The following ZIC5 variants were observed in gnomAD, a reference collection of about 807,000 sequenced individuals.
The protein encoded by ZIC5 is zinc finger protein ZIC 5.
A neutral mutation model predicts 28.5 loss-of-function variants in ZIC5; 20 were observed. The ratio of observed to expected loss-of-function variants is 0.70; its 90% confidence interval spans 0.49 to 1.02. The LOEUF (loss-of-function observed/expected upper bound fraction) is 1.02. Among genes scored for constraint, ZIC5 ranks in the 50% least tolerant of loss-of-function variants. The probability of loss-of-function intolerance (pLI) is 0.00; values close to 1 mark genes in which losing one functional copy is unlikely to be tolerated. For missense variants in ZIC5, 951 were observed against 899.7 expected, an observed-to-expected ratio of 1.06 and a Z score of -0.73; for synonymous variants, 488 against 410.4, an observed-to-expected ratio of 1.19 and a Z score of -2.29.
chr13:99,971,787 C>T (rs891652860), upstream of ZIC5: 7 of 1,380,272 alleles, frequency 5.1e-6, no homozygotes, highest in South Asian at 9.2e-5. Context: ...ATTTGAGCTG[C>T]ACAGTGGGAC....
In ZIC5 at chr13:99,964,127, T is replaced by G. The variant is rs1169181650; in HGVS notation, c.*1250A>C. ...GTAACTATAAACCTTTTAAAAATTT[T>G]TAATATGTATGGCAACTCCCTCCCC... On this transcript the variant is annotated 3_prime_UTR_variant, in exon 2 of 2. Coordinates refer to ENST00000267294, the MANE Select transcript of ZIC5 (RefSeq NM_033132.5). 1 of 152,446 alleles carries G rather than the reference T, an allele frequency of 6.6e-6. No individual in the cohort carries two copies. The highest frequency in any genetic ancestry group is 1.5e-5 in the Non-Finnish European group (1 of 68,052). 9.4% of individuals were successfully genotyped at this position (152,446 alleles called of 1,614,324 possible).
At position 99,970,639 on chromosome 13, in the gene ZIC5, CCGGCCGCTGCTG is replaced by C; in HGVS notation, c.953_964del (p.Ala318_Ala321del). The C allele has an allele frequency of 1.8e-6, 2 of 1,118,440 alleles. No individual in the cohort carries two copies. The highest frequency in any genetic ancestry group is 2.3e-5 in the South Asian group (1 of 42,658). 69.3% of individuals were successfully genotyped at this position (1,118,440 alleles called of 1,614,324 possible). A position where few individuals can be genotyped will look rare whatever the true frequency, so the allele number is the denominator to read the frequency against. On this transcript the variant is annotated inframe_deletion, in exon 1 of 2. Coordinates refer to ENST00000267294, the MANE Select transcript of ZIC5 (RefSeq NM_033132.5). ...GTGGTGCTGCAGGTGGGGCCCGGGC[CCGGCCGCTGCTG>C]CGGCCGCCGCAGCCGCCAGGTTCAG...
In ZIC5 at chr13:99,968,977, G is replaced by A. The variant is rs563325434; in HGVS notation, c.1477+1150C>T. ...GCGGCTACCTCCTGGCCGCAGCAGC[G>A]CCGATAAATCTGCCAAGTGATTACT... On this transcript the variant is annotated intron_variant, in intron 1 of 1. Coordinates refer to ENST00000267294, the MANE Select transcript of ZIC5 (RefSeq NM_033132.5). Among the ~76,000 whole-genome samples, 40 of 152,338 alleles carry A rather than the reference G, an allele frequency of 2.6e-4. 1 individual carries two copies. In the South Asian group the frequency reaches 8.1e-3, roughly 31 times the overall value.
upstream of ZIC5, chr13:99,971,877 G>T: frequency 1.5e-6 from 1 of 660,762 alleles, no homozygotes; most frequent in Non-Finnish European, 2.5e-6. Context: ...ATTGGCTCCC[G>T]TTCAGGCCCT....
In ZIC5 at chr13:99,970,802, C is replaced by G; in HGVS notation, c.802G>C (p.Ala268Pro). 8.3e-7 allele frequency: 1 copy of G among 1,201,104 alleles called. No individual in the cohort carries two copies. The highest frequency in any genetic ancestry group is 3.4e-4 in the Middle Eastern group (1 of 2,962). 74.4% of individuals were successfully genotyped at this position (1,201,104 alleles called of 1,614,324 possible). Residue 268 changes from alanine (A) to proline (P), a missense_variant, in exon 1 of 2, where the codon GCG becomes CCG. By Grantham distance (27) the Ala-to-Pro change is conservative (BLOSUM62 -1). Around this residue, in one of 3 missense-constraint regions of ZIC5, gnomAD observed 784 missense variants for 660.1 expected, o/e 1.19. Coordinates refer to ENST00000267294, the MANE Select transcript of ZIC5 (RefSeq NM_033132.5). ...GCGCGGCCGTACAGCTCAGCCGCCG[C>G]GGCTGCCGCTGCCGCCGCCAGCCCC... ...RLGLAAAAAA[A>P]AAELYGRAEP...
rs1175754724 is a variant in ZIC5, at chr13:99,970,316, C to G, written c.1288G>C (p.Glu430Gln). The change falls in exon 1 of 2, where the codon GAG (glutamate) becomes CAG (glutamine). Residue 430 changes from glutamate to glutamine, a missense_variant. Around this residue, in one of 3 missense-constraint regions of ZIC5, gnomAD observed 784 missense variants for 660.1 expected, o/e 1.19. Transcript: ENST00000267294. ...HVTVEHVGGP[E>Q]QSSHVCFWED... ...CAGAAGCAGACGTGGCTGCTCTGCT[C>G]GGGGCCTCCCACGTGCTCCACCGTG... 1.2e-6 allele frequency: 2 copies of G among 1,612,718 alleles called. No individual in the cohort carries two copies. Among genetic ancestry groups the G allele is most frequent in the African/African-American group, 1.3e-5 (1 of 74,718 alleles).
chr13:99,970,833 C>A lies in ZIC5; in HGVS notation c.771G>T (p.Met257Ile), dbSNP rs1413610218. Residue 257 changes from methionine (M) to isoleucine (I), a missense_variant, in exon 1 of 2, where the codon ATG becomes ATT. Coordinates refer to ENST00000267294, the MANE Select transcript of ZIC5 (RefSeq NM_033132.5). ...GGHPHPLNGQ[M>I]RLGLAAAAAA... is the part of the protein sequence containing the mutation. Reference sequence around the variant, plus strand: ...CCGCTGCCGCCGCCAGCCCCAGGCGCATCTGGCCGTTGAGCGGGTGCGGGT... The same window carrying A: ...CCGCTGCCGCCGCCAGCCCCAGGCGAATCTGGCCGTTGAGCGGGTGCGGGT... 3 of 1,239,158 alleles carry A rather than the reference C, an allele frequency of 2.4e-6. No individual in the cohort carries two copies. Among genetic ancestry groups the A allele is most frequent in the Non-Finnish European group, 2.0e-6 (2 of 997,796 alleles). The allele number at this position is 1,239,158 out of a possible 1,614,324, so 76.8% of individuals were successfully genotyped here.
chr13:99,966,927 T>C lies in ZIC5; in HGVS notation c.1478-1108A>G, dbSNP rs1024836336. Among the ~76,000 whole-genome samples the C allele has an allele frequency of 3.9e-5, 6 of 152,238 alleles. No homozygotes were observed. The East Asian group carries it at 5.8e-4, about 15-fold the overall frequency. ...CTCCCCTTGGTATCTCTGAACTTGA[T>C]AGAGTTGAGTCCATAATTAAACAAG... On this transcript the variant is annotated intron_variant, in intron 1 of 1. Coordinates refer to ENST00000267294, the MANE Select transcript of ZIC5 (RefSeq NM_033132.5).
At position 99,965,456 on chromosome 13, in the gene ZIC5, G is replaced by A; in HGVS notation, c.1841C>T (p.Pro614Leu). Residue 614 changes from proline to leucine, a missense_variant, in exon 2 of 2, where the codon CCT (proline) becomes CTT (leucine). Around this residue, in one of 3 missense-constraint regions of ZIC5, gnomAD observed 108 missense variants for 118.4 expected, o/e 0.91. Coordinates refer to ENST00000267294, the MANE Select transcript of ZIC5 (RefSeq NM_033132.5). ...CTCAGAGGTGGTTCCGTTGCTGGAA[G>A]GGGTGTGGAGGTGGCTGGGGGCCCC... is the stretch of plus-strand genomic sequence containing the variant. ...ASGAPSHLHT[P>L]SSNGTTSETE... 6.2e-7 allele frequency: 1 copy of A among 1,614,136 alleles called. No individual in the cohort carries two copies. Among genetic ancestry groups the A allele is most frequent in the South Asian group, 1.1e-5 (1 of 91,074 alleles).
Position 99,965,170 on chromosome 13 carries a change from G to GAAA in ZIC5, c.*204_*206dup, listed in dbSNP as rs34614095. On this transcript the variant is annotated 3_prime_UTR_variant, in exon 2 of 2. Transcript: ENST00000267294. ...TGGTTGTTTTTTGTTTGTTTTTTAA[G>GAAA]AAAAAAAAAAAAAAAAGCCCAAATA... 1.2e-3 allele frequency: 260 copies of GAAA among 210,888 alleles called. No individual in the cohort carries two copies. Among genetic ancestry groups the GAAA allele is most frequent in the South Asian group, 3.2e-3 (20 of 6,250 alleles). 13.1% of individuals were successfully genotyped at this position (210,888 alleles called of 1,614,324 possible).
rs1328128506 is a variant in ZIC5, at chr13:99,963,772, G to T, written c.*1605C>A. On this transcript the variant is annotated 3_prime_UTR_variant, in exon 2 of 2. Coordinates refer to ENST00000267294, the MANE Select transcript of ZIC5 (RefSeq NM_033132.5). ...CTCTTCCAGGAAAGAAAAAAAAAAAGGATGATGTCTGAAAATAAATTAATT... is the reference window on the plus strand; with the variant it reads ...CTCTTCCAGGAAAGAAAAAAAAAAATGATGATGTCTGAAAATAAATTAATT... 1 of 145,738 alleles carries T rather than the reference G, an allele frequency of 6.9e-6. No homozygotes were observed. Among genetic ancestry groups the T allele is most frequent in the Non-Finnish European group, 1.5e-5 (1 of 66,040 alleles). The allele number at this position is 145,738 out of a possible 1,614,324, so 9.0% of individuals were successfully genotyped here.
intron 1 of ZIC5, among the ~76,000 whole-genome samples, chr13:99,966,281 A>T (rs1337823228): frequency 6.6e-6 from 1 of 152,206 alleles, no homozygotes; most frequent in South Asian, 2.1e-4. Context: ...AAAAGCAAAC[A>T]CATACACTAA....
Position 99,967,964 on chromosome 13 carries a change from T to A in ZIC5, c.1478-2145A>T, listed in dbSNP as rs147619239. Among the ~76,000 whole-genome samples, 34 of 152,306 alleles carry A rather than the reference T, an allele frequency of 2.2e-4. No homozygotes were observed. The East Asian group carries it at 5.4e-3, about 24-fold the overall frequency. ...TTACAGAGTTTGAGAGCCTGGAGCCTGTGGGAAAGTAAGGAACTACTTGCG... is the reference window on the plus strand; with the variant it reads ...TTACAGAGTTTGAGAGCCTGGAGCCAGTGGGAAAGTAAGGAACTACTTGCG... On this transcript the variant is annotated intron_variant, in intron 1 of 1. Transcript: ENST00000267294.
At position 99,970,504 on chromosome 13, in the gene ZIC5, G is replaced by A; in HGVS notation, c.1100C>T (p.Pro367Leu). ...CTTGCAGATGAGCTCCTGCTTGATT[G>A]GCTGCCGCATGTAGCGCAGGAAGGC... ...AGAFLRYMRQ[P>L]IKQELICKWI... The change falls in exon 1 of 2, where the codon CCA (proline) becomes CTA (leucine). Residue 367 changes from proline to leucine, a missense_variant. Physicochemically the swap from Pro to Leu is moderately conservative, Grantham distance 98. This residue lies in a region of ZIC5 where 784 missense variants were observed against 660.1 expected (regional missense o/e 1.19). Transcript: ENST00000267294. 1 of 1,131,010 alleles carries A rather than the reference G, an allele frequency of 8.8e-7. No homozygotes were observed. The highest frequency in any genetic ancestry group is 1.1e-6 in the Non-Finnish European group (1 of 914,982). 70.1% of individuals were successfully genotyped at this position (1,131,010 alleles called of 1,614,324 possible). A position where few individuals can be genotyped will look rare whatever the true frequency, so the allele number is the denominator to read the frequency against.
intron 1 of ZIC5, among the ~76,000 whole-genome samples, chr13:99,967,535 G>A (rs1356556977): frequency 5.3e-5 from 8 of 152,198 alleles, no homozygotes; most frequent in African/African-American, 1.9e-4. Context: ...ATTAAAATCA[G>A]CCTTTCTTCA....
chr13:99,968,146 G>C (rs564994730), intron 1 of ZIC5, among the ~76,000 whole-genome samples: 2 of 152,214 alleles, frequency 1.3e-5, no homozygotes, highest in African/African-American at 2.4e-5. Flanking sequence ...CGGGATCCCG[G>C]ATAACCCCCA....
Position 99,965,453 on chromosome 13 carries a change from G to C in ZIC5, c.1844C>G (p.Ser615Cys), listed in dbSNP as rs774228538. ...SGAPSHLHTPSSNGTTSETED... is the reference protein window; with the variant it reads ...SGAPSHLHTPCSNGTTSETED... ...AGTCTCAGAGGTGGTTCCGTTGCTG[G>C]AAGGGGTGTGGAGGTGGCTGGGGGC... is the stretch of plus-strand genomic sequence containing the variant. Residue 615 changes from serine (S) to cysteine (C), a missense_variant, in exon 2 of 2, where the codon TCC becomes TGC. Physicochemically the swap from Ser to Cys is moderately radical, Grantham distance 112 (BLOSUM62 -1). Transcript: ENST00000267294. 9.9e-6 allele frequency: 16 copies of C among 1,614,012 alleles called. No individual in the cohort carries two copies. Among genetic ancestry groups the C allele is most frequent in the Middle Eastern group, 1.6e-4 (1 of 6,084 alleles).
At position 99,970,724 on chromosome 13, in the gene ZIC5, C is replaced by T; in HGVS notation, c.880G>A (p.Ala294Thr). 8.3e-7 allele frequency: 1 copy of T among 1,197,676 alleles called. No homozygotes were observed. The highest frequency in any genetic ancestry group is 1.0e-6 in the Non-Finnish European group (1 of 962,612). The allele number at this position is 1,197,676 out of a possible 1,614,324, so 74.2% of individuals were successfully genotyped here. Residue 294 changes from alanine to threonine, a missense_variant, in exon 1 of 2, where the codon GCC becomes ACC. Ala to Thr is a moderately conservative substitution (Grantham distance 58, BLOSUM62 0). Around this residue, in one of 3 missense-constraint regions of ZIC5, gnomAD observed 784 missense variants for 660.1 expected, o/e 1.19. Transcript: ENST00000267294. ...SGDAHYGAVA[A>T]AAAAALHGYG... is the part of the protein sequence containing the mutation. ...CCGTGCAGGGCGGCCGCCGCTGCGGCCGCAACCGCCCCGTAGTGCGCGTCC... is the reference window on the plus strand; with the variant it reads ...CCGTGCAGGGCGGCCGCCGCTGCGGTCGCAACCGCCCCGTAGTGCGCGTCC...
At chr13:99,966,502 G>A (rs769541797) in intron 1 of ZIC5, among the ~76,000 whole-genome samples, 2 of 152,204 alleles carry the variant, frequency 1.3e-5, no homozygotes, top group Non-Finnish European at 2.9e-5. Context: ...TAGCTGGGCA[G>A]AGAACAGGCT....
Sources: gnomAD v4.1 joint callset for allele counts (sites outside exome capture counted in the v4.1 genomes callset) on GRCh38, gnomAD v4.1.1 for gene constraint, gnomAD v4.1.1 regional missense constraint, MANE v1.5 for transcripts, NCBI Gene and HGNC (gene_info 2026-07-23, HGNC 2026-07-21) for gene names.